Variants in CFAP74 observed in about 807,000 individuals in gnomAD.
The protein encoded by CFAP74 is cilia and flagella associated protein 74.
A neutral mutation model predicts 188.9 loss-of-function variants in CFAP74; 124 were observed. That is an observed-to-expected ratio of 0.66 (90% confidence interval 0.57 to 0.76). The LOEUF (loss-of-function observed/expected upper bound fraction) is 0.76, where lower values mean the gene tolerates loss of function less well. CFAP74 is among the 30% of genes least tolerant of loss of function. The pLI is 0.00. For missense variants in CFAP74, 2,198 were observed against 2,165.2 expected, an observed-to-expected ratio of 1.02 and a Z score of -0.30; for synonymous variants, 956 against 916.7, an observed-to-expected ratio of 1.04 and a Z score of -0.77.
intron 14 of CFAP74, among the ~76,000 whole-genome samples, chr1:1,961,766 G>A (rs1655106885): frequency 6.6e-6 from 1 of 152,184 alleles, no homozygotes; most frequent in Non-Finnish European, 1.5e-5. Flanking sequence ...AGAGAGCTAC[G>A]AAGGTCTGAA....
intron 16 of CFAP74, among the ~76,000 whole-genome samples, chr1:1,957,451 G>A (rs1482594876): frequency 1.3e-5 from 2 of 152,298 alleles, no homozygotes; most frequent in South Asian, 2.1e-4. Context: ...CCTCCTTCCC[G>A]CCTGCACCGC....
At chr1:1,963,955 T>C in intron 13 of CFAP74, 88 bp from the exon 14 acceptor site, 4 of 838,678 alleles carry the variant, frequency 4.8e-6, no homozygotes, top group Middle Eastern at 2.4e-4. Context: ...AGGTAACCGC[T>C]GGTGAGCATT....
chr1:1,946,891 T>C, intron 19 of CFAP74, 99 bp downstream of exon 19: 5 of 936,856 alleles, frequency 5.3e-6, no homozygotes, highest in Non-Finnish European at 6.6e-6. Flanking sequence ...AAGGGCCACC[T>C]AGCAGTGAGG....
intron 12 of CFAP74, 96 bp from the exon 13 acceptor site, chr1:1,965,157 C>T (rs765223580): frequency 7.2e-5 from 89 of 1,239,174 alleles, no homozygotes; most frequent in Admixed American, 5.0e-4. Flanking sequence ...TAGCAGAGCA[C>T]GGACAGCCCA....
chr1:1,927,855 G>A (rs1652039357), intron 27 of CFAP74, 109 bp from the exon 28 acceptor site: 1 of 1,326,422 alleles, frequency 7.5e-7, no homozygotes, highest in South Asian at 1.5e-5. Context: ...CCGCAGTTGG[G>A]ATTGAATGTG....
At position 1,926,247 on chromosome 1, in the gene CFAP74, G is replaced by A; in HGVS notation, c.3929C>T (p.Ser1310Phe). 1 of 1,522,288 alleles carries A rather than the reference G, an allele frequency of 6.6e-7. No homozygotes were observed. The highest frequency in any genetic ancestry group is 8.8e-7 in the Non-Finnish European group (1 of 1,131,926). The allele number at this position is 1,522,288 out of a possible 1,614,324, so 94.3% of individuals were successfully genotyped here. The part of the protein sequence containing the change: ...GGTQVLVLSF[S>F]PHESILAQET... The stretch of plus-strand genomic sequence containing the variant: ...ACTCACCAGGATGCTCTCGTGGGGA[G>A]AGAAGGAAAGCACCAGGACCTGGGT... The change falls in exon 32 of 39, where the codon TCT (serine) becomes TTT (phenylalanine). Residue 1310 changes from serine to phenylalanine, a missense_variant. Coordinates refer to ENST00000682832, the MANE Select transcript of CFAP74 (RefSeq NM_001304360.2).
At chr1:1,941,478 A>G (rs1653370780) in intron 22 of CFAP74, among the ~76,000 whole-genome samples, 1 of 152,236 alleles carries the variant, frequency 6.6e-6, no homozygotes, top group South Asian at 2.1e-4. Context: ...CAGGCCTGGG[A>G]AGAGCCTTGG....
In CFAP74 at chr1:1,970,643, C is replaced by T; in HGVS notation, c.1046+16G>A. Reference sequence around the variant, plus strand: ...GGGCGGGTGCCTCCCGGTGGCACCTCTGCCACCACCCTCACCTCTTCTGGG... The same window carrying T: ...GGGCGGGTGCCTCCCGGTGGCACCTTTGCCACCACCCTCACCTCTTCTGGG... On this transcript the variant is annotated intron_variant, in intron 10 of 38. Transcript: ENST00000682832. 1 of 1,595,094 alleles carries T rather than the reference C, an allele frequency of 6.3e-7. No homozygotes were observed. The highest frequency in any genetic ancestry group is 1.8e-5 in the Admixed American group (1 of 56,286).
chr1:2,003,738 AGGCACAGACACCCCG>A lies in CFAP74; in HGVS notation c.-72_-58del. On this transcript the variant is annotated 5_prime_UTR_variant, in exon 1 of 39. Transcript: ENST00000682832. ...TGGGTCCCAGGTTCTCGGGCTCCGGAGGCACAGACACCCCGGGCTGCTCAGGCAGGCGGCGGTCCT... is the reference window on the plus strand; with the variant it reads ...TGGGTCCCAGGTTCTCGGGCTCCGGAGGCTGCTCAGGCAGGCGGCGGTCCT... 1 of 152,494 alleles carries A rather than the reference AGGCACAGACACCCCG, an allele frequency of 6.6e-6. No individual in the cohort carries two copies. The highest frequency in any genetic ancestry group is 3.4e-3 in the Middle Eastern group (1 of 292). 9.4% of individuals were successfully genotyped at this position (152,494 alleles called of 1,614,324 possible).
At chr1:1,985,759 G>A (rs1657195131) in intron 5 of CFAP74, among the ~76,000 whole-genome samples, 1 of 152,210 alleles carries the variant, frequency 6.6e-6, no homozygotes, top group African/African-American at 2.4e-5. Context: ...TGAAGCCCCT[G>A]GGGGCAGCAG....
Position 1,988,634 on chromosome 1 carries a change from A to G in CFAP74, c.174T>C (p.Thr58=), listed in dbSNP as rs1368933172. The change falls in exon 4 of 39, where the codon ACT becomes ACC. Residue 58 remains threonine, a synonymous_variant. Transcript: ENST00000682832. ...TTTTCTTCTTCAATTTATCAGCATC[A>G]GTATCTAGTTCTTTCACTGAGCTTA... ...GHSSSVKELD[T]DADKLKKKTA... 1.9e-6 allele frequency: 3 copies of G among 1,610,242 alleles called. No individual in the cohort carries two copies. The highest frequency in any genetic ancestry group is 2.5e-6 in the Non-Finnish European group (3 of 1,179,984).
rs1244111281 is a variant in CFAP74, at chr1:1,939,652, A to G, written c.2819T>C (p.Ile940Thr). 1 of 1,535,984 alleles carries G rather than the reference A, an allele frequency of 6.5e-7. No individual in the cohort carries two copies. Among genetic ancestry groups the G allele is most frequent in the Non-Finnish European group, 8.7e-7 (1 of 1,146,864 alleles). The change falls in exon 24 of 39, where the codon ATC (isoleucine) becomes ACC (threonine). Residue 940 changes from isoleucine to threonine, a missense_variant. Coordinates refer to ENST00000682832, the MANE Select transcript of CFAP74 (RefSeq NM_001304360.2). ...CTIYEAIRTEISLHNHSLLPQ... is the reference protein window; with the variant it reads ...CTIYEAIRTETSLHNHSLLPQ... The stretch of plus-strand genomic sequence containing the variant: ...CAGGAGCGAGTGGTTGTGGAGGCTG[A>G]TTTCCGTCCTGATGGCCTCATAGAT...
intron 25 of CFAP74, among the ~76,000 whole-genome samples, chr1:1,930,586 C>T (rs28637822): frequency 0.053 from 8,069 of 152,240 alleles, 293 homozygotes; most frequent in Non-Finnish European, 0.076. Context: ...GATGGAGTCT[C>T]GCTCTGTTGC....
At chr1:1,927,098 C>T (rs113813728) in intron 28 of CFAP74, 70 bp from the exon 29 acceptor site, 71 of 1,521,778 alleles carry the variant, frequency 4.7e-5, no homozygotes, top group Admixed American at 3.8e-4. Context: ...CGGACCCCTG[C>T]GGCTCTGCCT....
intron 33 of CFAP74, 117 bp from the exon 34 acceptor site, chr1:1,924,637 G>A: frequency 1.7e-6 from 2 of 1,188,280 alleles, no homozygotes; most frequent in South Asian, 3.2e-5. Flanking sequence ...GGGGACCCGG[G>A]TGGCCTGATG....
At chr1:1,994,682 C>T (rs887024774) in intron 1 of CFAP74, among the ~76,000 whole-genome samples, 2 of 152,164 alleles carry the variant, frequency 1.3e-5, no homozygotes, top group African/African-American at 4.8e-5. Context: ...CTGGACACCC[C>T]GTGGATGTCA....
Position 1,947,860 on chromosome 1 carries a change from C to T in CFAP74, c.2177-806G>A, listed in dbSNP as rs1007354573. 1.2e-4 allele frequency among the ~76,000 whole-genome samples: 19 copies of T among 152,120 alleles called. No individual in the cohort carries two copies. The East Asian group carries it at 1.9e-3, about 15-fold the overall frequency. On this transcript the variant is annotated intron_variant, in intron 18 of 38. Transcript: ENST00000682832. ...TTCTGGGGTCTGGAGTTGTAAAGGCCGCAGGGACCCCTGTTCTTTTTTTTT... is the reference window on the plus strand; with the variant it reads ...TTCTGGGGTCTGGAGTTGTAAAGGCTGCAGGGACCCCTGTTCTTTTTTTTT...
At chr1:1,946,196 GCCA>G (rs1653764781) in intron 20 of CFAP74, 118 bp downstream of exon 20, 2 of 1,237,568 alleles carry the variant, frequency 1.6e-6, no homozygotes, top group South Asian at 3.1e-5. Context: ...AACCATCCGT[GCCA>G]CCAACTGGCC....
In CFAP74 at chr1:1,946,974, G is replaced by T; in HGVS notation, c.2241+16C>A. The T allele has an allele frequency of 6.5e-7, 1 of 1,530,454 alleles. No homozygotes were observed. Among genetic ancestry groups the T allele is most frequent in the Non-Finnish European group, 8.8e-7 (1 of 1,141,752 alleles). 94.8% of individuals were successfully genotyped at this position (1,530,454 alleles called of 1,614,324 possible). A position where few individuals can be genotyped will look rare whatever the true frequency, so the allele number is the denominator to read the frequency against. On this transcript the variant is annotated intron_variant, in intron 19 of 38. Coordinates refer to ENST00000682832, the MANE Select transcript of CFAP74 (RefSeq NM_001304360.2). ...CTTGGATCGTGGCAGCTATTTTAGG[G>T]CCTGAGCTGGCTGACCTCCCCCAGC... is the stretch of plus-strand genomic sequence containing the variant.
Sources: allele counts gnomAD v4.1 joint callset (sites outside exome capture counted in the v4.1 genomes callset), GRCh38; gene constraint gnomAD v4.1.1; transcripts MANE v1.5; gene names NCBI Gene and HGNC (gene_info 2026-07-23, HGNC 2026-07-21).